JCAD: variants seen among roughly 807,000 people sequenced by gnomAD.
The protein encoded by JCAD is junctional cadherin 5-associated protein.
JCAD carries 40 observed loss-of-function variants against 98.0 expected under a neutral mutation model. The observed-to-expected ratio is 0.41, with a 90% CI of 0.32 to 0.53. The LOEUF is 0.53. JCAD is among the 20% of genes least tolerant of loss of function. JCAD has a pLI of 0.31. For missense variants in JCAD, 1,705 were observed against 1,738.1 expected, an observed-to-expected ratio of 0.98 and a Z score of 0.34; for synonymous variants, 691 against 682.3, an observed-to-expected ratio of 1.01 and a Z score of -0.20.
intron 2 of JCAD, among the ~76,000 whole-genome samples, chr10:30,068,911 C>T (rs998902256): frequency 2.6e-5 from 4 of 152,236 alleles, no homozygotes; most frequent in African/African-American, 9.6e-5. Flanking sequence ...CCAGTAATGG[C>T]TGTGGCCAAG....
Position 30,026,510 on chromosome 10 carries a change from C to T in JCAD, c.3638G>A (p.Arg1213Lys). 6.2e-7 allele frequency: 1 copy of T among 1,614,222 alleles called. No individual in the cohort carries two copies. The highest frequency in any genetic ancestry group is 1.6e-4 in the Middle Eastern group (1 of 6,062). Reference protein sequence around the residue: ...QKDVETKPPFRSTLFHFVERT... With the variant: ...QKDVETKPPFKSTLFHFVERT... ...TTCTACAAAATGGAATAAAGTGGAC[C>T]TGAAGGGTGGTTTTGTTTCCACATC... The change falls in exon 3 of 4, where the codon AGG becomes AAG. Residue 1213 changes from arginine (R) to lysine (K), a missense_variant. Around this residue, in one of 3 missense-constraint regions of JCAD, gnomAD observed 1,278 missense variants for 1,243.1 expected, o/e 1.03. Coordinates refer to ENST00000375377, the MANE Select transcript of JCAD (RefSeq NM_020848.4).
chr10:30,088,784 A>G (rs1217140143), intron 1 of JCAD, among the ~76,000 whole-genome samples: 1 of 152,088 alleles, frequency 6.6e-6, no homozygotes, highest in Admixed American at 6.6e-5. Context: ...CCTGGCCAAC[A>G]TTGTGAAACC....
In JCAD at chr10:30,016,737, T is replaced by G. The variant is rs956760530; in HGVS notation, c.*1146A>C. 1.3e-5 allele frequency: 2 copies of G among 152,188 alleles called. No individual in the cohort carries two copies. The highest frequency in any genetic ancestry group is 4.8e-5 in the African/African-American group (2 of 41,446). The allele number at this position is 152,188 out of a possible 1,614,324, so 9.4% of individuals were successfully genotyped here. On this transcript the variant is annotated 3_prime_UTR_variant, in exon 4 of 4. Transcript: ENST00000375377. ...CATACAAAGATAAAACTATGTTTTT[T>G]GGTAATTCTAGTTGATACGGCAGCA...
At chr10:30,062,675 C>T (rs1478731760), upstream of JCAD, among the ~76,000 whole-genome samples, 1 of 152,134 alleles carries the variant, frequency 6.6e-6, no homozygotes, top group African/African-American at 2.4e-5. Flanking sequence ...GAAGCAAAGG[C>T]GCGCCTTACG....
At chr10:30,031,418 A>G (rs1249385287) in intron 2 of JCAD, among the ~76,000 whole-genome samples, 1 of 145,996 alleles carries the variant, frequency 6.8e-6, no homozygotes, top group Non-Finnish European at 1.5e-5. Flanking sequence ...GACATGAAGC[A>G]CCATGCCTGG....
At chr10:30,104,655 C>T (rs1838536634) in intron 1 of JCAD, among the ~76,000 whole-genome samples, 1 of 152,092 alleles carries the variant, frequency 6.6e-6, no homozygotes, top group South Asian at 2.1e-4. Context: ...CCATCCACAC[C>T]CCAAACCTCA....
intron 1 of JCAD, among the ~76,000 whole-genome samples, chr10:30,082,440 C>G (rs994150868): frequency 6.6e-6 from 1 of 152,050 alleles, no homozygotes; most frequent in African/African-American, 2.4e-5. Context: ...TGATATGGGC[C>G]GGGCGCAGTT....
intron 1 of JCAD, among the ~76,000 whole-genome samples, chr10:30,082,133 C>T (rs762831210): frequency 3.9e-5 from 6 of 152,102 alleles, no homozygotes; most frequent in Non-Finnish European, 5.9e-5. Context: ...ATATCTCACA[C>T]ATAATGGTGA....
Position 30,027,452 on chromosome 10 carries a change from G to T in JCAD, c.2696C>A (p.Pro899Gln). Residue 899 changes from proline to glutamine, a missense_variant, in exon 3 of 4, where the codon CCG (proline) becomes CAG (glutamine). Physicochemically the swap from Pro to Gln is moderately conservative, Grantham distance 76. This residue lies in a region of JCAD where 1,278 missense variants were observed against 1,243.1 expected (regional missense o/e 1.03). Transcript: ENST00000375377. ...TCCCGACCTACACACAGGGCTCTCC[G>T]GCACCCACATCCTCGGCTGTGGCTC... ...RVEPQPRMWVPESPVCRSGRG... is the reference protein window; with the variant it reads ...RVEPQPRMWVQESPVCRSGRG... 1 of 1,604,804 alleles carries T rather than the reference G, an allele frequency of 6.2e-7. No individual in the cohort carries two copies. The highest frequency in any genetic ancestry group is 8.5e-7 in the Non-Finnish European group (1 of 1,179,968).
In JCAD at chr10:30,017,090, A is replaced by T. The variant is rs1331922620; in HGVS notation, c.*793T>A. The T allele has an allele frequency of 6.6e-6, 1 of 152,206 alleles. No homozygotes were observed. The highest frequency in any genetic ancestry group is 2.4e-5 in the African/African-American group (1 of 41,438). The allele number at this position is 152,206 out of a possible 1,614,324, so 9.4% of individuals were successfully genotyped here. On this transcript the variant is annotated 3_prime_UTR_variant, in exon 4 of 4. Transcript: ENST00000375377. ...CATTTTCGTAAAAAGAAATATAGTC[A>T]CTTTGTTAAAATGGTCTATTTTAAA...
chr10:30,042,252 G>T (rs1488093617), intron 2 of JCAD, among the ~76,000 whole-genome samples: 1 of 152,110 alleles, frequency 6.6e-6, no homozygotes, highest in Non-Finnish European at 1.5e-5. Context: ...AGTCCCTGTG[G>T]CCTGGAAACT....
intron 1 of JCAD, among the ~76,000 whole-genome samples, chr10:30,075,725 C>T (rs1837968967): frequency 6.6e-6 from 1 of 152,084 alleles, no homozygotes; most frequent in Admixed American, 6.6e-5. Context: ...GAGCAGCACA[C>T]TAGAAAAATG....
chr10:30,039,643 T>G (rs758281714), intron 2 of JCAD, among the ~76,000 whole-genome samples: 4 of 152,206 alleles, frequency 2.6e-5, no homozygotes, highest in Non-Finnish European at 4.4e-5. Flanking sequence ...CAAAGACGGC[T>G]GCCCAGGGTC....
rs1836463162 is a variant in JCAD at position 30,013,313 on chromosome 10, G to C, written c.*4570C>G. 2 of 135,158 alleles carry C rather than the reference G, an allele frequency of 1.5e-5. No individual in the cohort carries two copies. The highest frequency in any genetic ancestry group is 4.1e-4 in the East Asian group (2 of 4,890). The allele number at this position is 135,158 out of a possible 1,614,324, so 8.4% of individuals were successfully genotyped here. On this transcript the variant is annotated 3_prime_UTR_variant, in exon 4 of 4. Transcript: ENST00000375377. ...CAACAGAGCAAGACCCTGTTTCAAGGGGGGGAAAAAAAGTTTCTTTGGAGT... is the reference window on the plus strand; with the variant it reads ...CAACAGAGCAAGACCCTGTTTCAAGCGGGGGAAAAAAAGTTTCTTTGGAGT...
intron 2 of JCAD, among the ~76,000 whole-genome samples, chr10:30,042,932 G>C (rs1837271581): frequency 1.3e-5 from 2 of 152,208 alleles, no homozygotes; most frequent in African/African-American, 4.8e-5. Flanking sequence ...TCCATCTGCT[G>C]TGCTTTAAAC....
At chr10:30,037,934 T>TAAAAAA (rs57504197) in intron 2 of JCAD, among the ~76,000 whole-genome samples, 1 of 109,326 alleles carries the variant, frequency 9.1e-6, no homozygotes, top group Admixed American at 9.8e-5. Context: ...ATGGAAAAAT[T>TAAAAAA]AAAAAAAAAA....
Position 30,029,459 on chromosome 10 carries a change from C to T in JCAD, c.689G>A (p.Arg230His), listed in dbSNP as rs116709843. ...GGGGGAAAGAACTCTAGGCAGTGAG[C>T]GAGACTTCCCTTTGTTTTGAGAATT... ...VLNSQNKGKSRSLPRVLSPES... is the reference protein window; with the variant it reads ...VLNSQNKGKSHSLPRVLSPES... The change falls in exon 3 of 4, where the codon CGC becomes CAC. Residue 230 changes from arginine to histidine, a missense_variant. By Grantham distance (29) the Arg-to-His change is conservative (BLOSUM62 0). Around this residue, in one of 3 missense-constraint regions of JCAD, gnomAD observed 275 missense variants for 346.9 expected, o/e 0.79. Coordinates refer to ENST00000375377, the MANE Select transcript of JCAD (RefSeq NM_020848.4). 3.7e-6 allele frequency: 6 copies of T among 1,613,984 alleles called. No homozygotes were observed. The highest frequency in any genetic ancestry group is 2.2e-5 in the East Asian group (1 of 44,874).
At chr10:30,035,879 T>G (rs1035859334) in intron 2 of JCAD, among the ~76,000 whole-genome samples, 1 of 152,048 alleles carries the variant, frequency 6.6e-6, no homozygotes, top group Non-Finnish European at 1.5e-5. Context: ...GGGACGGAGA[T>G]GAAACAGAAG....
intron 2 of JCAD, among the ~76,000 whole-genome samples, chr10:30,046,015 C>T (rs1025942477): frequency 4.6e-5 from 7 of 152,170 alleles, no homozygotes; most frequent in South Asian, 2.1e-4. Flanking sequence ...CCATGGAAGG[C>T]GAGTTCATTC....
Sources: gnomAD v4.1 joint callset for allele counts (sites outside exome capture counted in the v4.1 genomes callset) on GRCh38, gnomAD v4.1.1 for gene constraint, gnomAD v4.1.1 regional missense constraint, MANE v1.5 for transcripts, NCBI Gene and HGNC (gene_info 2026-07-23, HGNC 2026-07-21) for gene names.